GPC6: variants seen among roughly 807,000 people sequenced by gnomAD.
GPC6 encodes glypican 6.
In GPC6, 14 loss-of-function variants were observed where a neutral mutation model predicts 55.2. That is an observed-to-expected ratio of 0.25 (90% CI 0.17 to 0.40). The LOEUF (loss-of-function observed/expected upper bound fraction) is 0.40. Among genes scored for constraint, GPC6 ranks in the 10% least tolerant of loss-of-function variants. The pLI is 1.00. For missense variants in GPC6, 641 were observed against 708.5 expected, an observed-to-expected ratio of 0.90 and a Z score of 1.08; for synonymous variants, 278 against 259.6, an observed-to-expected ratio of 1.07 and a Z score of -0.68.
At chr13:93,403,767 A>C (rs1876182513) in intron 1 of GPC6, among the ~76,000 whole-genome samples, 1 of 152,096 alleles carries the variant, frequency 6.6e-6, no homozygotes, top group African/African-American at 2.4e-5. Context: ...TGTGAGTTTA[A>C]TCAAGCTAAT....
intron 4 of GPC6, among the ~76,000 whole-genome samples, chr13:94,276,960 G>A (rs1360291655): frequency 9.9e-5 from 15 of 152,050 alleles, no homozygotes; most frequent in Admixed American, 9.8e-4. Flanking sequence ...CCCAGTAATT[G>A]CGTTTCTAAG....
intron 2 of GPC6, among the ~76,000 whole-genome samples, chr13:93,798,139 A>T (rs977203079): frequency 2.6e-5 from 4 of 152,170 alleles, no homozygotes; most frequent in Admixed American, 2.0e-4. Flanking sequence ...AGTAATGGCA[A>T]GGTCTAGGGT....
chr13:94,043,212 T>C lies in GPC6; in HGVS notation c.877+15318T>C, dbSNP rs190479536. 9.2e-5 allele frequency among the ~76,000 whole-genome samples: 14 copies of C among 151,916 alleles called. No individual in the cohort carries two copies. The East Asian group carries it at 2.7e-3, about 29-fold the overall frequency. ...CACTAGTTCCTTTATTGGAGAATGG[T>C]ATTAGAAACCAAGGTCTGGGCACTA... On this transcript the variant is annotated intron_variant, in intron 4 of 8. Transcript: ENST00000377047.
chr13:94,120,211 A>G (rs1304639796), intron 4 of GPC6, among the ~76,000 whole-genome samples: 1 of 152,098 alleles, frequency 6.6e-6, no homozygotes, highest in Non-Finnish European at 1.5e-5. Context: ...GTAGACATAC[A>G]CCACCAGACT....
At chr13:93,750,256 C>T (rs115530390) in intron 2 of GPC6, among the ~76,000 whole-genome samples, 3,047 of 152,126 alleles carry the variant, frequency 0.02, 94 homozygotes, top group African/African-American at 0.068. Context: ...GATGTTTCTA[C>T]GAAAATTTGT....
intron 4 of GPC6, among the ~76,000 whole-genome samples, chr13:94,150,102 C>T (rs1024938750): frequency 1.3e-5 from 2 of 152,060 alleles, no homozygotes; most frequent in Admixed American, 6.6e-5. Flanking sequence ...CCCCTTATCT[C>T]AGAGAACAGT....
chr13:93,294,336 A>G (rs1878412609), intron 1 of GPC6, among the ~76,000 whole-genome samples: 1 of 152,178 alleles, frequency 6.6e-6, no homozygotes, highest in South Asian at 2.1e-4. Context: ...GAAACAATGA[A>G]TATCTTTGAT....
At chr13:94,048,369 G>A (rs1380768958) in intron 4 of GPC6, among the ~76,000 whole-genome samples, 2 of 151,922 alleles carry the variant, frequency 1.3e-5, no homozygotes, top group East Asian at 1.9e-4. Context: ...TACTACTAGA[G>A]GCACAGAAAT....
At chr13:93,633,969 C>A (rs1175487504) in intron 2 of GPC6, among the ~76,000 whole-genome samples, 1 of 152,068 alleles carries the variant, frequency 6.6e-6, no homozygotes. Context: ...CTCTAGATAT[C>A]AAAGAGTAGT....
At position 93,342,545 on chromosome 13, in the gene GPC6, G is replaced by A. The variant is rs1030359450; in HGVS notation, c.160+114929G>A. On this transcript the variant is annotated intron_variant, in intron 1 of 8. Coordinates refer to ENST00000377047, the MANE Select transcript of GPC6 (RefSeq NM_005708.5). Reference sequence around the variant, plus strand: ...TTACCTCCCATCAGGTCCCTCCCACGACATGTGGGGATTATGGGAGCTACC... The same window carrying A: ...TTACCTCCCATCAGGTCCCTCCCACAACATGTGGGGATTATGGGAGCTACC... 9.2e-5 allele frequency among the ~76,000 whole-genome samples: 14 copies of A among 152,138 alleles called. No individual in the cohort carries two copies. In the East Asian group the frequency reaches 1.4e-3, roughly 15 times the overall value.
At chr13:93,747,045 C>G (rs537805041) in intron 2 of GPC6, among the ~76,000 whole-genome samples, 9 of 152,288 alleles carry the variant, frequency 5.9e-5, no homozygotes, top group African/African-American at 1.9e-4. Flanking sequence ...ACTTGAGGAA[C>G]AGCTCGAATT....
chr13:93,344,351 T>A (rs1880362448), intron 1 of GPC6, among the ~76,000 whole-genome samples: 1 of 152,208 alleles, frequency 6.6e-6, no homozygotes, highest in South Asian at 2.1e-4. Context: ...AGACTTGTCA[T>A]ATCCCAAGGC....
rs569565098 is a variant in GPC6 at position 93,281,720 on chromosome 13, G to A, written c.160+54104G>A. Among the ~76,000 whole-genome samples the A allele has an allele frequency of 2.0e-5, 3 of 152,270 alleles. No homozygotes were observed. The South Asian group carries it at 6.2e-4, about 32-fold the overall frequency. ...TAATCCCAGCTACTTGGGAGGCTGA[G>A]GCAGGAGAATTGCCAGATCTGGGAG... On this transcript the variant is annotated intron_variant, in intron 1 of 8. Transcript: ENST00000377047.
chr13:94,058,258 G>A (rs1263458953), intron 4 of GPC6, among the ~76,000 whole-genome samples: 1 of 152,020 alleles, frequency 6.6e-6, no homozygotes, highest in Non-Finnish European at 1.5e-5. Context: ...ACATATTTAC[G>A]GTACGGAAAT....
chr13:93,962,462 T>C (rs1018057113), intron 3 of GPC6, among the ~76,000 whole-genome samples: 8 of 152,098 alleles, frequency 5.3e-5, no homozygotes, highest in Admixed American at 4.6e-4. Context: ...TTCTCTCTTG[T>C]TCATACTACT....
intron 5 of GPC6, among the ~76,000 whole-genome samples, chr13:94,291,242 T>C (rs1438820022): frequency 1.3e-5 from 2 of 150,888 alleles, no homozygotes; most frequent in Admixed American, 6.6e-5. Flanking sequence ...ATAGGGCATG[T>C]AAGAGTCCAC....
At chr13:93,810,168 A>G (rs567657762) in intron 2 of GPC6, among the ~76,000 whole-genome samples, 7 of 152,282 alleles carry the variant, frequency 4.6e-5, no homozygotes, top group Admixed American at 3.3e-4. Context: ...CTCACAGGAC[A>G]TGTCTAATTT....
intron 4 of GPC6, among the ~76,000 whole-genome samples, chr13:94,104,521 G>A (rs1885982787): frequency 6.6e-6 from 1 of 152,172 alleles, no homozygotes; most frequent in South Asian, 2.1e-4. Flanking sequence ...AAAAGAGGAA[G>A]TCAAATTGTC....
At chr13:93,731,531 A>C (rs1394772832) in intron 2 of GPC6, among the ~76,000 whole-genome samples, 1 of 152,182 alleles carries the variant, frequency 6.6e-6, no homozygotes, top group African/African-American at 2.4e-5. Flanking sequence ...GACTTTGCAA[A>C]CCAAGCGTCT....
Sources: gnomAD v4.1 joint callset for allele counts (sites outside exome capture counted in the v4.1 genomes callset) on GRCh38, gnomAD v4.1.1 for gene constraint, MANE v1.5 for transcripts, NCBI Gene and HGNC (gene_info 2026-07-23, HGNC 2026-07-21) for gene names.